CWC27: variants seen among roughly 807,000 people sequenced by gnomAD.
The protein encoded by CWC27 is spliceosome-associated protein CWC27 homolog.
Under a neutral mutation model 63.6 loss-of-function variants are expected in CWC27, and 47 were observed. That is an observed-to-expected ratio of 0.74 (90% confidence interval 0.58 to 0.94). CWC27 has a LOEUF of 0.94. CWC27 is among the 40% of genes least tolerant of loss of function. The pLI, the probability that CWC27 is intolerant of heterozygous loss-of-function variation, is 0.00. For synonymous variants in CWC27, 175 were observed against 179.8 expected (o/e 0.97, Z 0.22); for missense variants, 495 against 554.3 (o/e 0.89, Z 1.07).
At chr5:64,990,249 T>TCTC (rs1561181401) in intron 13 of CWC27, among the ~76,000 whole-genome samples, 1 of 100,998 alleles carries the variant, frequency 9.9e-6, no homozygotes, top group East Asian at 2.4e-4. Flanking sequence ...TGTTTTTTTT[T>TCTC]TGTTTTTTTT....
At chr5:64,912,914 A>G (rs1747819918) in intron 11 of CWC27, among the ~76,000 whole-genome samples, 1 of 152,208 alleles carries the variant, frequency 6.6e-6, no homozygotes, top group South Asian at 2.1e-4. Context: ...GCAATTTGTT[A>G]TTCGGTTTAT....
intron 13 of CWC27, among the ~76,000 whole-genome samples, chr5:64,982,919 C>T (rs1749354755): frequency 6.6e-6 from 1 of 152,140 alleles, no homozygotes; most frequent in South Asian, 2.1e-4. Flanking sequence ...GTCACATCAA[C>T]GGCGGCATTA....
chr5:64,776,116 A>AGAGAGAGAGAGAGAGAGAGAGAGG (rs1743441952), intron 2 of CWC27, among the ~76,000 whole-genome samples: 1 of 99,118 alleles, frequency 1.0e-5, no homozygotes, highest in Admixed American at 1.0e-4. Context: ...AGAGAGAGAG[A>AGAGAGAGAGAGAGAGAGAGAGAGG]GAGAGAATGA....
chr5:64,811,658 G>A (rs1003824874), intron 10 of CWC27, among the ~76,000 whole-genome samples: 2 of 151,922 alleles, frequency 1.3e-5, no homozygotes, highest in East Asian at 1.9e-4. Context: ...GTTGACTGCA[G>A]CACTGTTCCA....
In CWC27 at chr5:64,948,509, G is replaced by A. The variant is rs142767904; in HGVS notation, c.1043-23194G>A. Among the ~76,000 whole-genome samples, 24 of 151,716 alleles carry A rather than the reference G, an allele frequency of 1.6e-4. No individual in the cohort carries two copies. In the East Asian group the frequency reaches 4.3e-3, roughly 27 times the overall value. On this transcript the variant is annotated intron_variant, in intron 11 of 13. Coordinates refer to ENST00000381070, the MANE Select transcript of CWC27 (RefSeq NM_005869.4). ...CATATTTCCAGTCAACAGTTCAAAA[G>A]CCATTGGGTTACAATAAATGTCTAA... is the stretch of plus-strand genomic sequence containing the variant.
chr5:65,007,830 G>C (rs559625571), intron 13 of CWC27, among the ~76,000 whole-genome samples: 2 of 152,002 alleles, frequency 1.3e-5, no homozygotes, highest in East Asian at 3.9e-4. Context: ...GGGTTTCACC[G>C]TGTTAGCCAG....
intron 10 of CWC27, among the ~76,000 whole-genome samples, chr5:64,879,337 A>T (rs1746881135): frequency 6.6e-6 from 1 of 152,000 alleles, no homozygotes; most frequent in African/African-American, 2.4e-5. Context: ...TGAAAGTGGA[A>T]ATAGGTAAAA....
At chr5:64,979,648 A>G (rs771612820) in intron 13 of CWC27, among the ~76,000 whole-genome samples, 2 of 152,196 alleles carry the variant, frequency 1.3e-5, no homozygotes, top group Non-Finnish European at 2.9e-5. Context: ...CATAAATTAC[A>G]TGGTTCCCAG....
At chr5:64,898,872 C>G (rs1747440089) in intron 11 of CWC27, among the ~76,000 whole-genome samples, 1 of 152,064 alleles carries the variant, frequency 6.6e-6, no homozygotes, top group African/African-American at 2.4e-5. Flanking sequence ...CACCTCCATG[C>G]CTATATTCCA....
intron 11 of CWC27, among the ~76,000 whole-genome samples, chr5:64,958,891 G>T (rs996558778): frequency 3.9e-5 from 6 of 151,966 alleles, no homozygotes; most frequent in Non-Finnish European, 8.8e-5. Context: ...CAGTGTTGAG[G>T]CATACTTTAA....
intron 10 of CWC27, among the ~76,000 whole-genome samples, chr5:64,810,852 G>A (rs1173651739): frequency 6.6e-6 from 1 of 152,044 alleles, no homozygotes; most frequent in Non-Finnish European, 1.5e-5. Context: ...CAGAACTTTT[G>A]CAGTTCAACA....
chr5:64,842,002 C>T lies in CWC27; in HGVS notation c.938+37616C>T, dbSNP rs531336647. Among the ~76,000 whole-genome samples, 32 of 152,236 alleles carry T rather than the reference C, an allele frequency of 2.1e-4. No individual in the cohort carries two copies. In the South Asian group the frequency reaches 3.7e-3, roughly 18 times the overall value. On this transcript the variant is annotated intron_variant, in intron 10 of 13. Coordinates refer to ENST00000381070, the MANE Select transcript of CWC27 (RefSeq NM_005869.4). ...GCCAAGTTTAGGTATTTACTTTTGA[C>T]TTAAAATAGTAGTTGACAAACTGCA...
intron 13 of CWC27, among the ~76,000 whole-genome samples, chr5:65,013,844 T>A (rs1157856438): frequency 6.6e-6 from 1 of 152,172 alleles, no homozygotes; most frequent in African/African-American, 2.4e-5. Flanking sequence ...GCTGTTTATA[T>A]TATATAAGTA....
In CWC27 at chr5:64,977,244, G is replaced by C. The variant is rs2112447046; in HGVS notation, c.1256+6G>C. ...GTAGAAGATGATGAAGGATGGTAAG[G>C]GCTTTGATTTCTGTATATTAACCAT... On this transcript the variant is annotated splice_donor_region_variant and intron_variant, in intron 13 of 13. Transcript: ENST00000381070. The C allele has an allele frequency of 6.3e-7, 1 of 1,585,400 alleles. No individual in the cohort carries two copies. Among genetic ancestry groups the C allele is most frequent in the Non-Finnish European group, 8.7e-7 (1 of 1,155,434 alleles).
At chr5:64,939,612 A>G (rs556390988) in intron 11 of CWC27, among the ~76,000 whole-genome samples, 2 of 152,316 alleles carry the variant, frequency 1.3e-5, no homozygotes, top group East Asian at 3.9e-4. Flanking sequence ...CCACTTGAGG[A>G]GGCAGTCTGT....
rs984832959 is a variant in CWC27 at position 64,782,140 on chromosome 5, C to T, written c.252+107C>T. 9 of 560,496 alleles carry T rather than the reference C, an allele frequency of 1.6e-5. No homozygotes were observed. In the Admixed American group the frequency reaches 1.7e-4, roughly 10 times the overall value. 34.7% of individuals were successfully genotyped at this position (560,496 alleles called of 1,614,324 possible). On this transcript the variant is annotated intron_variant, in intron 3 of 13. Coordinates refer to ENST00000381070, the MANE Select transcript of CWC27 (RefSeq NM_005869.4). The stretch of plus-strand genomic sequence containing the variant: ...GATTGTGTTCCACAAGAGGAAAAAA[C>T]GTTTCACATTAGTATATAAACATCA...
chr5:64,816,420 G>A (rs193158471), intron 10 of CWC27, among the ~76,000 whole-genome samples: 58 of 152,174 alleles, frequency 3.8e-4, no homozygotes, highest in African/African-American at 1.2e-3. Context: ...AAGTATGGTC[G>A]TATGACCAAA....
At chr5:64,819,917 A>G (rs763645459) in intron 10 of CWC27, among the ~76,000 whole-genome samples, 1 of 152,204 alleles carries the variant, frequency 6.6e-6, no homozygotes, top group Non-Finnish European at 1.5e-5. Context: ...TGTTTGAATT[A>G]CCTTAATTCA....
At chr5:64,980,265 G>A (rs574284032) in intron 13 of CWC27, among the ~76,000 whole-genome samples, 190 of 152,256 alleles carry the variant, frequency 1.2e-3, no homozygotes, top group African/African-American at 4.4e-3. Flanking sequence ...ACAGTATACA[G>A]ACTCATATAG....
Sources: gnomAD v4.1 joint callset for allele counts (sites outside exome capture counted in the v4.1 genomes callset) on GRCh38, gnomAD v4.1.1 for gene constraint, MANE v1.5 for transcripts, NCBI Gene and HGNC (gene_info 2026-07-23, HGNC 2026-07-21) for gene names.